The following GALNT16 variants were observed in gnomAD, a reference collection of about 807,000 sequenced individuals.
GALNT16 encodes UDP-GalNAc:polypeptide N-acetylgalactosaminyltransferase-like protein 1.
GALNT16 carries 40 observed loss-of-function variants against 76.1 expected under a neutral mutation model. The ratio of observed to expected loss-of-function variants is 0.53; its 90% CI spans 0.41 to 0.68. The LOEUF is 0.68. Among genes scored for constraint, GALNT16 ranks in the 30% least tolerant of loss-of-function variants. The pLI is 0.00. For synonymous variants in GALNT16, 276 were observed against 285.2 expected, an observed-to-expected ratio of 0.97 and a Z score of 0.32; for missense variants, 621 against 731.9, an observed-to-expected ratio of 0.85 and a Z score of 1.75.
chr14:69,318,982 C>T (rs1563295), intron 1 of GALNT16, among the ~76,000 whole-genome samples: 25,484 of 152,244 alleles, frequency 0.17, 2,918 homozygotes, highest in East Asian at 0.43. Context: ...TTCCATCTTC[C>T]GTCTTTCCTG....
chr14:69,260,095 A>C (rs2044240038), upstream of GALNT16: 111 of 469,054 alleles, frequency 2.4e-4, no homozygotes, highest in East Asian at 4.4e-4. Flanking sequence ...GAAGGGCATT[A>C]GGACCGTGAG....
At chr14:69,338,987 C>T (rs1160745427) in intron 10 of GALNT16, among the ~76,000 whole-genome samples, 1 of 152,038 alleles carries the variant, frequency 6.6e-6, no homozygotes, top group African/African-American at 2.4e-5. Context: ...CCTTGAGACT[C>T]ATATGGACTT....
intron 1 of GALNT16, among the ~76,000 whole-genome samples, chr14:69,311,653 C>G (rs10459533): frequency 6.6e-6 from 1 of 152,102 alleles, no homozygotes; most frequent in African/African-American, 2.4e-5. Context: ...TAATGTGTTT[C>G]TAAATTTGAC....
chr14:69,324,878 C>T, intron 3 of GALNT16, 88 bp downstream of exon 3: 1 of 803,364 alleles, frequency 1.2e-6, no homozygotes, highest in Middle Eastern at 2.6e-4. Flanking sequence ...GCTTGAAGCC[C>T]AGCAGGTGCT....
chr14:69,330,801 C>T (rs1326703945), intron 6 of GALNT16, among the ~76,000 whole-genome samples: 1 of 152,304 alleles, frequency 6.6e-6, no homozygotes, highest in South Asian at 2.1e-4. Flanking sequence ...TGGTATATGA[C>T]ATAATCTACC....
chr14:69,289,930 G>A (rs1035960761), intron 1 of GALNT16, among the ~76,000 whole-genome samples: 2 of 151,994 alleles, frequency 1.3e-5, no homozygotes, highest in African/African-American at 4.8e-5. Flanking sequence ...ATAGAGACAG[G>A]GTTTCACCGT....
At chr14:69,329,817 G>A (rs761114277) in intron 6 of GALNT16, among the ~76,000 whole-genome samples, 1 of 152,118 alleles carries the variant, frequency 6.6e-6, no homozygotes, top group East Asian at 1.9e-4. Flanking sequence ...CAGATCTCAC[G>A]AGAAGTCACT....
chr14:69,322,928 GTGTGTGTGTGTGT>G (rs2045213299), intron 2 of GALNT16, among the ~76,000 whole-genome samples: 2 of 21,632 alleles, frequency 9.2e-5, no homozygotes, highest in African/African-American at 8.1e-4. Flanking sequence ...CTCACGGGGT[GTGTGTGTGTGTGT>G]GTGTGTGTGT....
the GALNT16 span, among the ~76,000 whole-genome samples, chr14:69,369,199 C>G: frequency 6.6e-6 from 1 of 152,080 alleles, no homozygotes; most frequent in Non-Finnish European, 1.5e-5. Context: ...GATTAGGGCC[C>G]AAACAGGAGG....
chr14:69,379,094 C>T, the GALNT16 span, among the ~76,000 whole-genome samples: 1 of 152,120 alleles, frequency 6.6e-6, no homozygotes, highest in South Asian at 2.1e-4. Context: ...CGTGTGCCAC[C>T]ATGCCCGGCT....
chr14:69,338,172 G>T (rs2045436804), intron 9 of GALNT16, among the ~76,000 whole-genome samples: 1 of 152,222 alleles, frequency 6.6e-6, no homozygotes, highest in East Asian at 1.9e-4. Flanking sequence ...AGACCAACTG[G>T]GTCAAGAGGG....
chr14:69,288,939 G>A (rs1416354263), intron 1 of GALNT16, among the ~76,000 whole-genome samples: 1 of 152,056 alleles, frequency 6.6e-6, no homozygotes, highest in Non-Finnish European at 1.5e-5. Context: ...GTGCAGTTGT[G>A]TGATCACAGC....
intron 1 of GALNT16, among the ~76,000 whole-genome samples, chr14:69,286,068 G>C (rs2140122385): frequency 1.3e-5 from 2 of 152,224 alleles, no homozygotes; most frequent in South Asian, 4.1e-4. Context: ...CACCTGGCTG[G>C]CTTGCCTTTG....
intron 1 of GALNT16, among the ~76,000 whole-genome samples, chr14:69,266,239 A>G (rs2044341335): frequency 6.6e-6 from 1 of 152,216 alleles, no homozygotes; most frequent in African/African-American, 2.4e-5. Context: ...AAAAATGCAA[A>G]AACGATACAG....
chr14:69,301,409 A>AGTGGTGTGATCTCTGCTCACTGCACC (rs2044850851), intron 1 of GALNT16, among the ~76,000 whole-genome samples: 1 of 152,122 alleles, frequency 6.6e-6, no homozygotes, highest in African/African-American at 2.4e-5. Flanking sequence ...GCTGGACTGC[A>AGTGGTGTGATCTCTGCTCACTGCACC]GTGGTGTGAT....
the GALNT16 span, among the ~76,000 whole-genome samples, chr14:69,381,939 C>A: frequency 6.6e-6 from 1 of 152,254 alleles, no homozygotes; most frequent in African/African-American, 2.4e-5. Flanking sequence ...GATCCAGCCG[C>A]CTCGGCCGCC....
At chr14:69,285,032 C>T (rs1284767319) in intron 1 of GALNT16, among the ~76,000 whole-genome samples, 1 of 140,118 alleles carries the variant, frequency 7.1e-6, no homozygotes, top group African/African-American at 2.6e-5. Flanking sequence ...TACCCAGTCT[C>T]GGGCACTCTT....
intron 11 of GALNT16, 141 bp downstream of exon 11, chr14:69,339,760 G>T: frequency 1.7e-6 from 1 of 590,590 alleles, no homozygotes. Flanking sequence ...GCTTCTTTGG[G>T]TCCTGGGAGG....
At chr14:69,314,036 C>T (rs942288862) in intron 1 of GALNT16, among the ~76,000 whole-genome samples, 5 of 152,224 alleles carry the variant, frequency 3.3e-5, no homozygotes, top group Non-Finnish European at 7.3e-5. Context: ...TTAAAAACAT[C>T]TGATGCTTTT....
Sources: allele counts gnomAD v4.1 joint callset (sites outside exome capture counted in the v4.1 genomes callset), GRCh38; gene constraint gnomAD v4.1.1; transcripts MANE v1.5; gene names NCBI Gene and HGNC (gene_info 2026-07-23, HGNC 2026-07-21).